Variants in SP100 observed in about 807,000 individuals in gnomAD.
SP100 encodes nuclear autoantigen Sp-100.
SP100 carries 84 observed loss-of-function variants against 130.0 expected under a neutral mutation model. That is an observed-to-expected ratio of 0.65 (90% CI 0.54 to 0.77). SP100 has a LOEUF of 0.77. Ranked by LOEUF, SP100 falls within the 30% of genes least tolerant of loss-of-function variation. The probability of loss-of-function intolerance (pLI) is 0.00; values close to 1 mark genes in which losing one functional copy is unlikely to be tolerated. For synonymous variants in SP100, 331 were observed against 351.7 expected (o/e 0.94, Z 0.66); for missense variants, 978 against 1,052.2 (o/e 0.93, Z 0.97).
At chr2:230,501,872 AT>A (rs1352668563) in intron 19 of SP100, among the ~76,000 whole-genome samples, 3 of 151,844 alleles carry the variant, frequency 2.0e-5, no homozygotes, top group Admixed American at 1.3e-4. Context: ...TGCTTCCAAG[AT>A]TTGTTTCTTT....
chr2:230,480,045 C>A (rs1052821259), intron 17 of SP100, among the ~76,000 whole-genome samples: 2 of 152,230 alleles, frequency 1.3e-5, no homozygotes, highest in Non-Finnish European at 2.9e-5. Flanking sequence ...CTCCCACACA[C>A]ACTTCTAGCC....
chr2:230,437,668 C>T (rs1407455679), intron 2 of SP100, among the ~76,000 whole-genome samples: 1 of 152,062 alleles, frequency 6.6e-6, no homozygotes, highest in African/African-American at 2.4e-5. Context: ...AAGCAATTCT[C>T]CTGCCTCAGC....
intron 27 of SP100, 88 bp downstream of exon 27, chr2:230,541,460 G>T: frequency 3.5e-6 from 4 of 1,137,746 alleles, no homozygotes; most frequent in Middle Eastern, 2.0e-4. Context: ...ATTCTATTTG[G>T]CTTGTTGATG....
chr2:230,541,000 A>G lies in SP100; in HGVS notation c.2331+4A>G. Reference sequence around the variant, plus strand: ...GATGCTGCCTGAGGAGCAGTTGGTGAGTAAAAATGTGAACCTGAAGCCTCT... The same window carrying G: ...GATGCTGCCTGAGGAGCAGTTGGTGGGTAAAAATGTGAACCTGAAGCCTCT... On this transcript the variant is annotated splice_donor_region_variant and intron_variant, in intron 26 of 28. Transcript: ENST00000340126. 6.2e-7 allele frequency: 1 copy of G among 1,607,904 alleles called. No individual in the cohort carries two copies. The highest frequency in any genetic ancestry group is 8.5e-7 in the Non-Finnish European group (1 of 1,175,714).
intron 2 of SP100, 61 bp from the exon 3 acceptor site, chr2:230,442,876 A>G (rs2063525414): frequency 7.0e-7 from 1 of 1,426,542 alleles, no homozygotes; most frequent in Non-Finnish European, 9.8e-7. Flanking sequence ...AAACTCTTAC[A>G]GCCTCCACAA....
intron 15 of SP100, 74 bp from the exon 16 acceptor site, chr2:230,473,250 A>T: frequency 1.0e-6 from 1 of 982,872 alleles, no homozygotes. Context: ...GTGGGCAGTC[A>T]CTAATGTTGG....
At chr2:230,428,797 CA>C (rs2063015190) in intron 2 of SP100, among the ~76,000 whole-genome samples, 1 of 152,178 alleles carries the variant, frequency 6.6e-6, no homozygotes, top group Non-Finnish European at 1.5e-5. Context: ...GTCACAAGAA[CA>C]GCAAGGGGGA....
Position 230,545,081 on chromosome 2 carries a change from G to A in SP100, c.*2135G>A, listed in dbSNP as rs560148767. On this transcript the variant is annotated 3_prime_UTR_variant, in exon 29 of 29. Coordinates refer to ENST00000340126, the MANE Select transcript of SP100 (RefSeq NM_001080391.2). ...ATTCCACCCAGCAATCCCATTACTG[G>A]GTACATACCCAGAGGAATATAAATC... Among the ~76,000 whole-genome samples the A allele has an allele frequency of 2.0e-5, 3 of 152,290 alleles. No homozygotes were observed. The East Asian group carries it at 5.8e-4, about 29-fold the overall frequency.
chr2:230,510,088 C>T (rs1690463063), intron 23 of SP100: 2 of 152,664 alleles, frequency 1.3e-5, no homozygotes. Context: ...CAGATTGCTT[C>T]TGGCAGGTGG....
At chr2:230,476,167 G>A (rs966540876) in intron 17 of SP100, among the ~76,000 whole-genome samples, 1 of 152,180 alleles carries the variant, frequency 6.6e-6, no homozygotes, top group African/African-American at 2.4e-5. Context: ...TCCAATCCAT[G>A]AGCATGGAAT....
rs773500645 is a variant in SP100 at position 230,515,393 on chromosome 2, ATGT to A, written c.2094+4231_2094+4233del. Reference sequence around the variant, plus strand: ...GAACATCCTGGCCTGTCCATTGATGATGTTGTGAAGAAACTGGCAGGGATGTGG... The same window carrying A: ...GAACATCCTGGCCTGTCCATTGATGATGTGAAGAAACTGGCAGGGATGTGG... On this transcript the variant is annotated intron_variant, in intron 24 of 28. Coordinates refer to ENST00000340126, the MANE Select transcript of SP100 (RefSeq NM_001080391.2). 12 of 1,613,926 alleles carry A rather than the reference ATGT, an allele frequency of 7.4e-6. No individual in the cohort carries two copies. In the South Asian group the frequency reaches 1.2e-4, roughly 16 times the overall value.
chr2:230,512,519 A>T (rs1324380962), intron 24 of SP100, among the ~76,000 whole-genome samples: 1 of 149,994 alleles, frequency 6.7e-6, no homozygotes, highest in Non-Finnish European at 1.5e-5. Flanking sequence ...TGAACTCCTG[A>T]CCTCGTGATC....
intron 24 of SP100, chr2:230,515,272 G>A (rs369442175): frequency 3.7e-6 from 6 of 1,610,182 alleles, no homozygotes; most frequent in Admixed American, 1.7e-5. Flanking sequence ...TCCTAAAGGG[G>A]AGAAAAAAAA....
chr2:230,545,557 T>G lies in SP100; in HGVS notation c.*2611T>G, dbSNP rs1266224592. 6.6e-6 allele frequency among the ~76,000 whole-genome samples: 1 copy of G among 152,154 alleles called. No individual in the cohort carries two copies. Among genetic ancestry groups the G allele is most frequent in the Non-Finnish European group, 1.5e-5 (1 of 68,026 alleles). On this transcript the variant is annotated 3_prime_UTR_variant, in exon 29 of 29. Coordinates refer to ENST00000340126, the MANE Select transcript of SP100 (RefSeq NM_001080391.2). Reference sequence around the variant, plus strand: ...CACATATACCCCTGAACCTAAAAGTTTTTTTAATTGTAAATAAATGGATCA... The same window carrying G: ...CACATATACCCCTGAACCTAAAAGTGTTTTTAATTGTAAATAAATGGATCA...
chr2:230,502,974 G>T (rs1252638116), intron 19 of SP100, 92 bp from the exon 20 acceptor site: 17 of 970,984 alleles, frequency 1.8e-5, no homozygotes, highest in African/African-American at 3.3e-5. Flanking sequence ...TTCTAGACAG[G>T]ATCCTGAAAA....
chr2:230,470,129 C>G lies in SP100; in HGVS notation c.1429+31C>G, dbSNP rs1324021938. ...GAAGATTAGGATGCCAAGACTTGGC[C>G]TGCAGAATGTCAGGAATGTGAATTA... On this transcript the variant is annotated intron_variant, in intron 15 of 28. Coordinates refer to ENST00000340126, the MANE Select transcript of SP100 (RefSeq NM_001080391.2). 16 of 1,585,136 alleles carry G rather than the reference C, an allele frequency of 1.0e-5. No homozygotes were observed. The East Asian group carries it at 1.6e-4, about 16-fold the overall frequency.
chr2:230,535,536 T>C (rs1015261602), intron 24 of SP100, among the ~76,000 whole-genome samples: 4 of 152,202 alleles, frequency 2.6e-5, no homozygotes, highest in Admixed American at 6.5e-5. Context: ...TCTCTCTCTC[T>C]GCCTAATTTC....
chr2:230,467,564 G>C (rs149021784), intron 13 of SP100, among the ~76,000 whole-genome samples: 19,206 of 152,262 alleles, frequency 0.13, 1,711 homozygotes, highest in South Asian at 0.28. Flanking sequence ...AAGGTGAAAG[G>C]CACGTCTCAC....
At chr2:230,494,004 C>CA (rs1162356938) in intron 17 of SP100, 2 of 179,428 alleles carry the variant, frequency 1.1e-5, no homozygotes, top group African/African-American at 4.8e-5. Flanking sequence ...GTGATTCACC[C>CA]ACTTTGGCCT....
Sources: allele counts gnomAD v4.1 joint callset (sites outside exome capture counted in the v4.1 genomes callset), GRCh38; gene constraint gnomAD v4.1.1; transcripts MANE v1.5; gene names NCBI Gene and HGNC (gene_info 2026-07-23, HGNC 2026-07-21).